LPCAT1: variants seen among roughly 807,000 people sequenced by gnomAD.
LPCAT1 encodes 1-acylglycerol-3-phosphate O-acyltransferase.
In LPCAT1, 23 loss-of-function variants were observed where a neutral mutation model predicts 60.9. That is an observed-to-expected ratio of 0.38 (90% CI 0.27 to 0.53). The LOEUF (loss-of-function observed/expected upper bound fraction) is 0.53. Among genes scored for constraint, LPCAT1 ranks in the 20% least tolerant of loss-of-function variants. The pLI, the probability that LPCAT1 is intolerant of heterozygous loss-of-function variation, is 0.82. For synonymous variants in LPCAT1, 340 were observed against 301.1 expected, an observed-to-expected ratio of 1.13 and a Z score of -1.34; for missense variants, 622 against 723.6, an observed-to-expected ratio of 0.86 and a Z score of 1.61.
Position 1,462,103 on chromosome 5 carries a change from C to T in LPCAT1, c.*1548G>A, listed in dbSNP as rs1436125774. 2 of 152,404 alleles carry T rather than the reference C, an allele frequency of 1.3e-5. No individual in the cohort carries two copies. The highest frequency in any genetic ancestry group is 2.4e-5 in the African/African-American group (1 of 41,410). The allele number at this position is 152,404 out of a possible 1,614,324, so 9.4% of individuals were successfully genotyped here. ...TTAAATGTCTGTCAGTGGAGAAACG[C>T]GTATCACGAATCTCTGAGGAAGTTA... On this transcript the variant is annotated 3_prime_UTR_variant, in exon 14 of 14. Coordinates refer to ENST00000283415, the MANE Select transcript of LPCAT1 (RefSeq NM_024830.5).
At chr5:1,513,519 T>G (rs1250800121) in intron 1 of LPCAT1, among the ~76,000 whole-genome samples, 2 of 152,228 alleles carry the variant, frequency 1.3e-5, no homozygotes, top group Non-Finnish European at 2.9e-5. Flanking sequence ...CACGTTCCAC[T>G]GTGGGCACAG....
chr5:1,497,444 G>A (rs1385196114), intron 2 of LPCAT1, among the ~76,000 whole-genome samples: 1 of 152,248 alleles, frequency 6.6e-6, no homozygotes, highest in African/African-American at 2.4e-5. Flanking sequence ...GAGTGGAGCC[G>A]GCCCTGGAGA....
chr5:1,522,924 C>T lies in LPCAT1; in HGVS notation c.135+786G>A, dbSNP rs924316340. On this transcript the variant is annotated intron_variant, in intron 1 of 13. Coordinates refer to ENST00000283415, the MANE Select transcript of LPCAT1 (RefSeq NM_024830.5). The surrounding 1 kb of genome is among the most constrained non-coding windows in gnomAD (Gnocchi z 6.8). ...AGCTTCCTGCAGCGAGCGGCCCCCT[C>T]CCCACGACGCCCCCGGGTCTCCCCT... is the stretch of plus-strand genomic sequence containing the variant. 2.6e-5 allele frequency among the ~76,000 whole-genome samples: 4 copies of T among 152,206 alleles called. No homozygotes were observed. The highest frequency in any genetic ancestry group is 9.6e-5 in the African/African-American group (4 of 41,454).
At chr5:1,475,276 G>A (rs1734856296) in intron 9 of LPCAT1, among the ~76,000 whole-genome samples, 1 of 152,206 alleles carries the variant, frequency 6.6e-6, no homozygotes, top group Non-Finnish European at 1.5e-5. Context: ...ATTTGGAACA[G>A]GAGAGTCTCA....
chr5:1,509,032 A>G (rs1442629239), intron 1 of LPCAT1, among the ~76,000 whole-genome samples: 1 of 152,262 alleles, frequency 6.6e-6, no homozygotes, highest in Non-Finnish European at 1.5e-5. Context: ...CACCAGGCGC[A>G]GGGATGCTGC....
chr5:1,507,216 A>G (rs570425823), intron 1 of LPCAT1, among the ~76,000 whole-genome samples: 1 of 152,280 alleles, frequency 6.6e-6, no homozygotes, highest in African/African-American at 2.4e-5. Context: ...GCAGACGCTG[A>G]GACCTGCAAC....
At chr5:1,484,937 G>A (rs1735314546) in intron 5 of LPCAT1, among the ~76,000 whole-genome samples, 1 of 152,200 alleles carries the variant, frequency 6.6e-6, no homozygotes, top group East Asian at 1.9e-4. Context: ...CTGTGTCAGG[G>A]GAGGCGGAGG....
intron 9 of LPCAT1, among the ~76,000 whole-genome samples, chr5:1,475,774 G>T (rs980048251): frequency 6.6e-6 from 1 of 151,256 alleles, no homozygotes; most frequent in African/African-American, 2.4e-5. Flanking sequence ...CCAGGAGTCC[G>T]AGGCTGCTTC....
intron 13 of LPCAT1, among the ~76,000 whole-genome samples, chr5:1,466,007 G>A (rs1036710547): frequency 1.5e-4 from 23 of 152,164 alleles, no homozygotes; most frequent in African/African-American, 4.6e-4. Flanking sequence ...CGCTGTGCAC[G>A]CAGCTCTCTC....
chr5:1,471,943 G>A (rs78935625), intron 11 of LPCAT1, among the ~76,000 whole-genome samples: 1 of 151,588 alleles, frequency 6.6e-6, no homozygotes, highest in East Asian at 2.0e-4. Context: ...CCAGAGAGCA[G>A]GAGGTGAGGA....
rs906664444 is a variant in LPCAT1, at chr5:1,486,812, C to T, written c.667+1579G>A. On this transcript the variant is annotated intron_variant, in intron 5 of 13. Coordinates refer to ENST00000283415, the MANE Select transcript of LPCAT1 (RefSeq NM_024830.5). ...CGGAAACCCGGGCCTGCAGGTGACA[C>T]GCAGAACTCATGGCTGGACCCACTG... is the stretch of plus-strand genomic sequence containing the variant. Among the ~76,000 whole-genome samples the T allele has an allele frequency of 3.3e-5, 5 of 152,290 alleles. No individual in the cohort carries two copies. In the East Asian group the frequency reaches 5.8e-4, roughly 18 times the overall value.
chr5:1,485,060 G>A (rs998263378), intron 5 of LPCAT1, among the ~76,000 whole-genome samples: 28 of 152,186 alleles, frequency 1.8e-4, no homozygotes, highest in African/African-American at 6.0e-4. Context: ...GCCTGGGACC[G>A]AGCCCAGGAG....
chr5:1,520,780 G>A (rs1442888251), intron 1 of LPCAT1, among the ~76,000 whole-genome samples: 13 of 150,052 alleles, frequency 8.7e-5, no homozygotes, highest in Admixed American at 6.6e-5. Flanking sequence ...GGAGAATGGC[G>A]TGAACCCGGG....
chr5:1,480,988 G>A lies in LPCAT1; in HGVS notation c.727-12C>T, dbSNP rs1453009018. The stretch of plus-strand genomic sequence containing the variant: ...CATGTGATGGTGTCCTGGGGAGGAA[G>A]AGGCAGGGTCAGTCAGCATGGGGCC... On this transcript the variant is annotated splice_polypyrimidine_tract_variant and intron_variant, in intron 6 of 13. Transcript: ENST00000283415. This position sits in a 1 kb window ranked among gnomAD's most constrained non-coding sequence, Gnocchi z 6.4. 1 of 1,613,626 alleles carries A rather than the reference G, an allele frequency of 6.2e-7. No homozygotes were observed. The highest frequency in any genetic ancestry group is 1.7e-5 in the Admixed American group (1 of 60,028).
At chr5:1,475,282 T>TCTCAGGCTATCCACAGGAAAGGACAAGGC (rs1439710915) in intron 9 of LPCAT1, among the ~76,000 whole-genome samples, 7 of 151,872 alleles carry the variant, frequency 4.6e-5, no homozygotes, top group African/African-American at 7.3e-5. Flanking sequence ...AACAGGAGAG[T>TCTCAGGCTATCCACAGGAAAGGACAAGGC]CTCAGGCTAT....
rs552782590 is a variant in LPCAT1, at chr5:1,502,623, C to G, written c.136-1020G>C. Among the ~76,000 whole-genome samples, 107 of 152,232 alleles carry G rather than the reference C, an allele frequency of 7.0e-4. 1 individual carries two copies. The highest frequency in any genetic ancestry group is 1.2e-3 in the Admixed American group (19 of 15,296). On this transcript the variant is annotated intron_variant, in intron 1 of 13. Transcript: ENST00000283415. This position sits in a 1 kb window ranked among gnomAD's most constrained non-coding sequence, Gnocchi z 5.5. ...TGAGGATGGAGGTCCCTCCGGGAGGCGGGCAGGACTCCGTGTAGAGGGGCG... is the reference window on the plus strand; with the variant it reads ...TGAGGATGGAGGTCCCTCCGGGAGGGGGGCAGGACTCCGTGTAGAGGGGCG...
chr5:1,466,702 GC>G (rs2126472628), intron 13 of LPCAT1, 46 bp downstream of exon 13: 3 of 1,579,216 alleles, frequency 1.9e-6, no homozygotes, highest in Admixed American at 1.7e-5. Context: ...ACTCTGTCCA[GC>G]CCCCGCCCAA....
intron 13 of LPCAT1, among the ~76,000 whole-genome samples, chr5:1,465,714 CAT>C (rs1376358608): frequency 1.3e-5 from 2 of 152,174 alleles, no homozygotes; most frequent in East Asian, 1.9e-4. Context: ...ACACAACACA[CAT>C]GCACGCTTTC....
rs1325641610 is a variant in LPCAT1 at position 1,480,314 on chromosome 5, A to C, written c.761+628T>G. On this transcript the variant is annotated intron_variant, in intron 7 of 13. Transcript: ENST00000283415. The surrounding 1 kb of genome is among the most constrained non-coding windows in gnomAD (Gnocchi z 6.4). ...GCGCTGACCTCAACACCTTCACCTG[A>C]AAGCACCAGCGGACCCACATCCTCC... is the stretch of plus-strand genomic sequence containing the variant. 2.2e-5 allele frequency: 22 copies of C among 984,324 alleles called. No individual in the cohort carries two copies. Among genetic ancestry groups the C allele is most frequent in the Non-Finnish European group, 2.7e-5 (22 of 829,710 alleles). The allele number at this position is 984,324 out of a possible 1,614,324, so 61.0% of individuals were successfully genotyped here. A position where few individuals can be genotyped will look rare whatever the true frequency, so the allele number is the denominator to read the frequency against.
Sources: allele counts gnomAD v4.1 joint callset (sites outside exome capture counted in the v4.1 genomes callset), GRCh38; gene constraint gnomAD v4.1.1; non-coding constraint Gnocchi (gnomAD v3.1); transcripts MANE v1.5; gene names NCBI Gene and HGNC (gene_info 2026-07-23, HGNC 2026-07-21).